Variants in GRIK3 observed in about 807,000 individuals in gnomAD.
The protein encoded by GRIK3 is glutamate receptor ionotropic, kainate 3.
In GRIK3, 29 loss-of-function variants were observed where a neutral mutation model predicts 102.5. That is an observed-to-expected ratio of 0.28 (90% CI 0.21 to 0.39). The LOEUF (loss-of-function observed/expected upper bound fraction) is 0.39. GRIK3 is among the 10% of genes least tolerant of loss of function. The probability of loss-of-function intolerance (pLI) is 1.00; values close to 1 mark genes in which losing one functional copy is unlikely to be tolerated. For missense variants in GRIK3, 908 were observed against 1,252.4 expected, an observed-to-expected ratio of 0.73 and a Z score of 4.15; for synonymous variants, 511 against 504.9, an observed-to-expected ratio of 1.01 and a Z score of -0.16.
rs1041927683 is a variant in GRIK3 at position 36,798,803 on chromosome 1, C to T, written c.*3048G>A. 1 of 152,224 alleles carries T rather than the reference C, an allele frequency of 6.6e-6. No homozygotes were observed. The highest frequency in any genetic ancestry group is 2.4e-5 in the African/African-American group (1 of 41,456). The allele number at this position is 152,224 out of a possible 1,614,324, so 9.4% of individuals were successfully genotyped here. A position where few individuals can be genotyped will look rare whatever the true frequency, so the allele number is the denominator to read the frequency against. ...TGGGAGAGGAGATGAGGCAGCATGC[C>T]CTCCTGCTTCCACACAGGAGTCTAA... On this transcript the variant is annotated 3_prime_UTR_variant, in exon 16 of 16. Coordinates refer to ENST00000373091, the MANE Select transcript of GRIK3 (RefSeq NM_000831.4).
chr1:36,924,449 A>G (rs1383494120), intron 1 of GRIK3, among the ~76,000 whole-genome samples: 1 of 152,032 alleles, frequency 6.6e-6, no homozygotes, highest in Non-Finnish European at 1.5e-5. Context: ...ATTAGCTAAG[A>G]GAAGTTGTTT....
Position 36,966,989 on chromosome 1 carries a change from G to C in GRIK3, c.115+67005C>G, listed in dbSNP as rs112901489. On this transcript the variant is annotated intron_variant, in intron 1 of 15. Transcript: ENST00000373091. ...TCCTTGCCCTCTTAATACGTGAGAA[G>C]GACAATTAAGTTAATGTTAACAATC... is the stretch of plus-strand genomic sequence containing the variant. 2.0e-3 allele frequency among the ~76,000 whole-genome samples: 309 copies of C among 152,280 alleles called. 1 individual carries two copies. The highest frequency in any genetic ancestry group is 0.01 in the Middle Eastern group (3 of 294).
chr1:37,019,015 T>C (rs1557465560), intron 1 of GRIK3, among the ~76,000 whole-genome samples: 1 of 152,172 alleles, frequency 6.6e-6, no homozygotes, highest in Non-Finnish European at 1.5e-5. Flanking sequence ...AACAGCCATG[T>C]CCAGGAAAAT....
intron 1 of GRIK3, among the ~76,000 whole-genome samples, chr1:36,945,116 G>A (rs2124329058): frequency 6.6e-6 from 1 of 152,392 alleles, no homozygotes. Flanking sequence ...AATGATCACT[G>A]GAGCACAAGG....
At chr1:36,910,900 G>A (rs575056679) in intron 1 of GRIK3, among the ~76,000 whole-genome samples, 1 of 152,298 alleles carries the variant, frequency 6.6e-6, no homozygotes, top group African/African-American at 2.4e-5. Flanking sequence ...GAGTGGGGGG[G>A]CATAACTCAA....
intron 12 of GRIK3, among the ~76,000 whole-genome samples, chr1:36,818,781 T>A (rs1409398046): frequency 6.6e-6 from 1 of 152,232 alleles, no homozygotes; most frequent in African/African-American, 2.4e-5. Context: ...TATACACAGA[T>A]GACTGAGGGA....
intron 2 of GRIK3, among the ~76,000 whole-genome samples, chr1:36,890,271 T>C (rs1641099162): frequency 6.6e-6 from 1 of 152,106 alleles, no homozygotes; most frequent in Non-Finnish European, 1.5e-5. Context: ...AAGACCAGCC[T>C]GGACAACATG....
At chr1:36,981,466 T>C (rs1395910181) in intron 1 of GRIK3, among the ~76,000 whole-genome samples, 1 of 152,218 alleles carries the variant, frequency 6.6e-6, no homozygotes, top group Non-Finnish European at 1.5e-5. Context: ...GAGAGCTCTA[T>C]TCAGCAGATG....
intron 1 of GRIK3, among the ~76,000 whole-genome samples, chr1:37,018,842 A>T (rs938886999): frequency 3.9e-5 from 6 of 152,116 alleles, no homozygotes; most frequent in Non-Finnish European, 7.4e-5. Context: ...AAAAACTCCA[A>T]TTTTTTTAAA....
At chr1:36,856,037 A>G (rs538401339) in intron 7 of GRIK3, among the ~76,000 whole-genome samples, 61 of 152,290 alleles carry the variant, frequency 4.0e-4, no homozygotes, top group Admixed American at 1.5e-3. Context: ...GGAAGCTTAC[A>G]TGGTGCCTAG....
At chr1:36,945,244 T>C (rs549685389) in intron 1 of GRIK3, among the ~76,000 whole-genome samples, 2 of 152,366 alleles carry the variant, frequency 1.3e-5, no homozygotes, top group Non-Finnish European at 2.9e-5. Context: ...TGTCTCCAGA[T>C]AAACAGTGGA....
rs1212708331 is a variant in GRIK3 at position 36,944,988 on chromosome 1, G to C, written c.116-53892C>G. Among the ~76,000 whole-genome samples, 8 of 152,350 alleles carry C rather than the reference G, an allele frequency of 5.3e-5. No individual in the cohort carries two copies. In the East Asian group the frequency reaches 1.5e-3, roughly 29 times the overall value. ...CAGCTGCTGAGCCTGGTGGTAGCAAGGCAAGACCTAGAGAGGCTGCCCCAG... is the reference window on the plus strand; with the variant it reads ...CAGCTGCTGAGCCTGGTGGTAGCAACGCAAGACCTAGAGAGGCTGCCCCAG... On this transcript the variant is annotated intron_variant, in intron 1 of 15. Transcript: ENST00000373091.
At chr1:36,961,718 C>T (rs142403265) in intron 1 of GRIK3, among the ~76,000 whole-genome samples, 32 of 152,336 alleles carry the variant, frequency 2.1e-4, no homozygotes, top group African/African-American at 7.2e-4. Flanking sequence ...ATCATTTTGC[C>T]GAAGGATGCA....
chr1:36,813,448 G>C (rs567721714), intron 13 of GRIK3, among the ~76,000 whole-genome samples: 2 of 152,208 alleles, frequency 1.3e-5, no homozygotes, highest in African/African-American at 2.4e-5. Context: ...TACTCTCATG[G>C]TCAGGGGAAG....
At chr1:36,886,339 T>C (rs1245850285) in intron 2 of GRIK3, among the ~76,000 whole-genome samples, 2 of 152,202 alleles carry the variant, frequency 1.3e-5, no homozygotes, top group South Asian at 2.1e-4. Flanking sequence ...GACGAGGACT[T>C]CTGTCTAGGG....
In GRIK3 at chr1:36,859,195, C is replaced by T. The variant is rs1402260042; in HGVS notation, c.1017G>A (p.Arg339=). 14 of 1,613,748 alleles carry T rather than the reference C, an allele frequency of 8.7e-6. No individual in the cohort carries two copies. Among genetic ancestry groups the T allele is most frequent in the African/African-American group, 1.3e-5 (1 of 74,920 alleles). ...GGGAGTTCACGGTCATCTGTGGTGC[C>T]CGCTGGTAGCACACGGACACGATAT... ...AVHIVSVCYQ[R]APQMTVNSLQ... is the part of the protein sequence containing the mutation. Residue 339 remains arginine (R), a synonymous_variant, in exon 7 of 16, where the codon CGG becomes CGA. Transcript: ENST00000373091.
intron 1 of GRIK3, among the ~76,000 whole-genome samples, chr1:36,930,717 T>G (rs905160515): frequency 2.0e-5 from 3 of 151,872 alleles, no homozygotes; most frequent in African/African-American, 2.4e-5. Flanking sequence ...GCCTTTGGAG[T>G]GGGGTATGGG....
chr1:36,881,472 CA>C (rs1640976198), intron 2 of GRIK3, among the ~76,000 whole-genome samples: 1 of 152,132 alleles, frequency 6.6e-6, no homozygotes, highest in African/African-American at 2.4e-5. Flanking sequence ...ACCCATATGC[CA>C]AAAACCATGG....
intron 1 of GRIK3, among the ~76,000 whole-genome samples, chr1:36,963,357 G>A (rs539770126): frequency 1.5e-4 from 23 of 152,120 alleles, no homozygotes; most frequent in African/African-American, 2.2e-4. Context: ...CACTCGAGAC[G>A]CCAGGCAGAA....
Sources: allele counts gnomAD v4.1 joint callset (sites outside exome capture counted in the v4.1 genomes callset), GRCh38; gene constraint gnomAD v4.1.1; transcripts MANE v1.5; gene names NCBI Gene and HGNC (gene_info 2026-07-23, HGNC 2026-07-21).